Variants in WWP1 observed in about 807,000 individuals in gnomAD.
WWP1 encodes WW domain containing E3 ubiquitin protein ligase 1.
Under a neutral mutation model 130.6 loss-of-function variants are expected in WWP1, and 49 were observed. That is an observed-to-expected ratio of 0.38 (90% CI 0.30 to 0.48). WWP1 has a LOEUF of 0.48. Ranked by LOEUF, WWP1 falls within the 20% of genes least tolerant of loss-of-function variation. The pLI is 0.99. For synonymous variants in WWP1, 332 were observed against 367.8 expected, an observed-to-expected ratio of 0.90 and a Z score of 1.11; for missense variants, 809 against 1,100.6, an observed-to-expected ratio of 0.74 and a Z score of 3.75.
chr8:86,442,501 C>A, intron 17 of WWP1, 118 bp from the exon 18 acceptor site: 1 of 938,116 alleles, frequency 1.1e-6, no homozygotes, highest in Non-Finnish European at 1.5e-6. Context: ...AAGAATTGGG[C>A]AGTGGAGTTC....
chr8:86,409,226 CTTTT>C (rs1230976832), intron 8 of WWP1, among the ~76,000 whole-genome samples: 2 of 100,522 alleles, frequency 2.0e-5, no homozygotes, highest in Non-Finnish European at 3.9e-5. Flanking sequence ...CTTTTTCTTT[CTTTT>C]TTTTTTTTTT....
chr8:86,346,798 C>G (rs1822611053), intron 1 of WWP1, among the ~76,000 whole-genome samples: 1 of 152,066 alleles, frequency 6.6e-6, no homozygotes, highest in Non-Finnish European at 1.5e-5. Context: ...ATCCAAGGAA[C>G]TAGTTACTAA....
At chr8:86,417,486 T>C (rs2130600786) in intron 9 of WWP1, among the ~76,000 whole-genome samples, 1 of 152,262 alleles carries the variant, frequency 6.6e-6, no homozygotes, top group African/African-American at 2.4e-5. Flanking sequence ...AGCAAGAAAT[T>C]TAGTTTGAGA....
rs747046366 is a variant in WWP1 at position 86,461,832 on chromosome 8, A to G, written c.2655A>G (p.Pro885=). ...AAGTTGGCAAAGACACTTGGTTACCAAGAAGCCATACATGGTAAGTTCAAG... is the reference window on the plus strand; with the variant it reads ...AAGTTGGCAAAGACACTTGGTTACCGAGAAGCCATACATGGTAAGTTCAAG... The part of the protein sequence containing the change: ...IEKVGKDTWL[P]RSHTCFNRLD... Residue 885 remains proline (P), a synonymous_variant, in exon 24 of 25, where the codon CCA becomes CCG. Transcript: ENST00000517970. The G allele has an allele frequency of 5.1e-5, 83 of 1,613,838 alleles. No homozygotes were observed. Among genetic ancestry groups the G allele is most frequent in the Non-Finnish European group, 6.9e-5 (81 of 1,179,888 alleles).
chr8:86,368,511 C>T (rs553329778), intron 1 of WWP1, among the ~76,000 whole-genome samples: 53 of 152,242 alleles, frequency 3.5e-4, no homozygotes, highest in Middle Eastern at 3.4e-3. Context: ...CAGATAAGCT[C>T]ACTATCTTAA....
intron 21 of WWP1, among the ~76,000 whole-genome samples, chr8:86,456,881 ATATG>A (rs113784957): frequency 1.4e-4 from 21 of 152,132 alleles, no homozygotes; most frequent in African/African-American, 5.0e-4. Context: ...TATCACAAAA[ATATG>A]TATGTATGCA....
intron 18 of WWP1, among the ~76,000 whole-genome samples, chr8:86,447,065 T>G (rs977691188): frequency 6.6e-6 from 1 of 152,070 alleles, no homozygotes; most frequent in African/African-American, 2.4e-5. Context: ...GGAGAGTGAA[T>G]GCAGTAGGGA....
At chr8:86,463,730 A>C (rs1391328094) in intron 24 of WWP1, among the ~76,000 whole-genome samples, 1 of 152,138 alleles carries the variant, frequency 6.6e-6, no homozygotes, top group Non-Finnish European at 1.5e-5. Context: ...GCTGCAACGA[A>C]TGTTACAAAA....
chr8:86,400,407 G>A (rs940707063), intron 7 of WWP1, among the ~76,000 whole-genome samples: 1 of 152,086 alleles, frequency 6.6e-6, no homozygotes, highest in Non-Finnish European at 1.5e-5. Flanking sequence ...ATAGCGATAA[G>A]CACTATGAAG....
chr8:86,350,932 A>G (rs745712311), intron 1 of WWP1, among the ~76,000 whole-genome samples: 1 of 152,182 alleles, frequency 6.6e-6, no homozygotes, highest in Non-Finnish European at 1.5e-5. Flanking sequence ...ATAAAGTAGG[A>G]TATTCTTTAC....
intron 9 of WWP1, among the ~76,000 whole-genome samples, chr8:86,420,819 AT>A: frequency 6.6e-6 from 1 of 152,360 alleles, no homozygotes; most frequent in Non-Finnish European, 1.5e-5. Flanking sequence ...CTGAAAGTAT[AT>A]GTAATTTTGA....
intron 1 of WWP1, among the ~76,000 whole-genome samples, chr8:86,363,984 C>T (rs1196071537): frequency 6.6e-6 from 1 of 152,048 alleles, no homozygotes; most frequent in Non-Finnish European, 1.5e-5. Context: ...TAACTTTTCT[C>T]ATTAATTGGG....
At chr8:86,357,122 A>G (rs932906024) in intron 1 of WWP1, among the ~76,000 whole-genome samples, 7 of 152,218 alleles carry the variant, frequency 4.6e-5, no homozygotes, top group East Asian at 1.9e-4. Context: ...TCATATTTTC[A>G]TGAAATATGC....
intron 11 of WWP1, among the ~76,000 whole-genome samples, 175 bp downstream of exon 11, chr8:86,427,992 TA>T (rs1391466002): frequency 6.6e-6 from 1 of 152,002 alleles, no homozygotes; most frequent in Non-Finnish European, 1.5e-5. Context: ...GTGTTTCTGA[TA>T]TATATAAGTA....
intron 1 of WWP1, among the ~76,000 whole-genome samples, chr8:86,347,623 C>T (rs997687368): frequency 6.6e-6 from 1 of 152,138 alleles, no homozygotes; most frequent in African/African-American, 2.4e-5. Flanking sequence ...AATTTGTAAG[C>T]ATTGTACCAC....
chr8:86,463,048 A>C (rs563230377), intron 24 of WWP1, among the ~76,000 whole-genome samples: 6 of 152,302 alleles, frequency 3.9e-5, no homozygotes, highest in African/African-American at 9.6e-5. Context: ...ATTTTCTTGA[A>C]GGAAAGCTTT....
intron 9 of WWP1, among the ~76,000 whole-genome samples, chr8:86,413,219 G>T (rs1461649863): frequency 6.6e-6 from 1 of 152,054 alleles, no homozygotes; most frequent in Non-Finnish European, 1.5e-5. Flanking sequence ...CTGTTTCCTG[G>T]AAATGTTTCA....
chr8:86,430,034 A>G (rs1205259387), intron 11 of WWP1, among the ~76,000 whole-genome samples: 1 of 152,058 alleles, frequency 6.6e-6, no homozygotes, highest in Non-Finnish European at 1.5e-5. Context: ...CCTTGTCTCT[A>G]CAAAAAATAC....
At position 86,411,813 on chromosome 8, in the gene WWP1, G is replaced by A. The variant is rs1396234200; in HGVS notation, c.1000G>A (p.Gly334Arg). 3 of 1,613,950 alleles carry A rather than the reference G, an allele frequency of 1.9e-6. No individual in the cohort carries two copies. Among genetic ancestry groups the A allele is most frequent in the East Asian group, 2.2e-5 (1 of 44,890 alleles). ...AGCAGCCAAATCAAGACAGCCAGAT[G>A]GGTGTATGGATCCTGTACGGCAGCA... ...FEAAKSRQPD[G>R]CMDPVRQQSG... is the part of the protein sequence containing the mutation. The change falls in exon 9 of 25, where the codon GGG becomes AGG. Residue 334 changes from glycine (G) to arginine (R), a missense_variant. This residue lies in a region of WWP1 where 97 missense variants were observed against 80.4 expected (regional missense o/e 1.21). Coordinates refer to ENST00000517970, the MANE Select transcript of WWP1 (RefSeq NM_007013.4).
Sources: gnomAD v4.1 joint callset for allele counts (sites outside exome capture counted in the v4.1 genomes callset) on GRCh38, gnomAD v4.1.1 for gene constraint, gnomAD v4.1.1 regional missense constraint, MANE v1.5 for transcripts, NCBI Gene and HGNC (gene_info 2026-07-23, HGNC 2026-07-21) for gene names.